THSD7B: variants seen among roughly 807,000 people sequenced by gnomAD.
THSD7B encodes the protein thrombospondin type 1 domain containing 7B, also known as thrombospondin type-1 domain-containing protein 7B.
THSD7B carries 138 observed loss-of-function variants against 213.6 expected under a neutral mutation model. The ratio of observed to expected loss-of-function variants is 0.65; its 90% CI spans 0.56 to 0.74. The LOEUF is 0.74. THSD7B is among the 30% of genes least tolerant of loss of function. The pLI is 0.00. For missense variants in THSD7B, 1,931 were observed against 1,991.5 expected, an observed-to-expected ratio of 0.97 and a Z score of 0.58; for synonymous variants, 742 against 687.0, an observed-to-expected ratio of 1.08 and a Z score of -1.25.
At chr2:137,222,646 T>C (rs1007623060) in intron 7 of THSD7B, among the ~76,000 whole-genome samples, 1 of 152,178 alleles carries the variant, frequency 6.6e-6, no homozygotes, top group Non-Finnish European at 1.5e-5. Context: ...TTTGGATAAT[T>C]ATACCTCAAA....
intron 10 of THSD7B, among the ~76,000 whole-genome samples, chr2:137,261,632 G>A (rs1389077379): frequency 2.0e-5 from 3 of 152,140 alleles, no homozygotes; most frequent in Non-Finnish European, 2.9e-5. Flanking sequence ...CACTGCAGAA[G>A]TAGTGACAGC....
chr2:137,567,926 A>G (rs1312680189), intron 16 of THSD7B, among the ~76,000 whole-genome samples: 1 of 152,154 alleles, frequency 6.6e-6, no homozygotes, highest in Non-Finnish European at 1.5e-5. Flanking sequence ...GTCCTGGGGA[A>G]CTCCAACATT....
intron 10 of THSD7B, among the ~76,000 whole-genome samples, chr2:137,250,817 C>G (rs574782062): frequency 6.6e-6 from 1 of 152,196 alleles, no homozygotes; most frequent in South Asian, 2.1e-4. Flanking sequence ...GTCTGATTTC[C>G]CCTCTGCCTG....
intron 10 of THSD7B, among the ~76,000 whole-genome samples, chr2:137,255,099 A>G (rs1682275225): frequency 6.6e-6 from 1 of 152,214 alleles, no homozygotes; most frequent in Non-Finnish European, 1.5e-5. Flanking sequence ...CAACAAGGTC[A>G]TACATGGTCT....
intron 2 of THSD7B, among the ~76,000 whole-genome samples, chr2:136,897,563 T>C (rs1315383071): frequency 6.6e-6 from 1 of 152,110 alleles, no homozygotes; most frequent in African/African-American, 2.4e-5. Context: ...AGTAGCAAGA[T>C]TTATTGTGAA....
At chr2:137,125,371 G>A (rs1352261355) in intron 5 of THSD7B, among the ~76,000 whole-genome samples, 2 of 152,104 alleles carry the variant, frequency 1.3e-5, no homozygotes, top group East Asian at 1.9e-4. Context: ...ATAATGTTGA[G>A]AGCATCTTCA....
intron 2 of THSD7B, among the ~76,000 whole-genome samples, chr2:137,039,198 G>A (rs1686832744): frequency 6.6e-6 from 1 of 152,130 alleles, no homozygotes; most frequent in Non-Finnish European, 1.5e-5. Flanking sequence ...TGGGTTTCAA[G>A]CTCTTGGATC....
rs541567635 is a variant in THSD7B, at chr2:137,660,928, T to A, written c.4458+1182T>A. On this transcript the variant is annotated intron_variant, in intron 25 of 27. Transcript: ENST00000409968. ...CTTACTTTTTTTCTTTTGTAGAAGA[T>A]TGAGGTGCTTTGTTTACTTTTAGTA... Among the ~76,000 whole-genome samples the A allele has an allele frequency of 5.3e-5, 8 of 152,198 alleles. No individual in the cohort carries two copies. The South Asian group carries it at 1.4e-3, about 28-fold the overall frequency.
chr2:136,825,516 C>A (rs542839362), intron 1 of THSD7B, among the ~76,000 whole-genome samples: 1 of 151,960 alleles, frequency 6.6e-6, no homozygotes, highest in Admixed American at 6.6e-5. Context: ...TCCAGTTTTT[C>A]TTCTTTTCTC....
chr2:136,998,909 G>GACACACACAC (rs57138045), intron 2 of THSD7B, among the ~76,000 whole-genome samples: 1,635 of 129,910 alleles, frequency 0.013, 34 homozygotes, highest in East Asian at 0.064. Context: ...ATACCCAACA[G>GACACACACAC]ACACACACAC....
chr2:137,558,399 C>T (rs943257817), intron 15 of THSD7B, among the ~76,000 whole-genome samples: 1 of 152,166 alleles, frequency 6.6e-6, no homozygotes, highest in African/African-American at 2.4e-5. Flanking sequence ...GGATGCAAGG[C>T]TGGTTCAACA....
chr2:137,303,997 CT>C (rs1306619607), intron 12 of THSD7B, among the ~76,000 whole-genome samples: 1 of 151,510 alleles, frequency 6.6e-6, no homozygotes, highest in Non-Finnish European at 1.5e-5. Context: ...TGATGTTCCC[CT>C]CCCTGTGTCC....
intron 15 of THSD7B, among the ~76,000 whole-genome samples, chr2:137,461,815 G>A (rs542756968): frequency 6.6e-6 from 1 of 152,226 alleles, no homozygotes; most frequent in Admixed American, 6.5e-5. Context: ...GAGTCAGAAG[G>A]AAGGAGCCAC....
At chr2:137,171,163 G>T (rs949249949) in intron 7 of THSD7B, among the ~76,000 whole-genome samples, 1 of 152,110 alleles carries the variant, frequency 6.6e-6, no homozygotes, top group Non-Finnish European at 1.5e-5. Flanking sequence ...GTACTTAAAT[G>T]CAATACAGCA....
At chr2:136,984,572 A>G (rs1243761108) in intron 2 of THSD7B, among the ~76,000 whole-genome samples, 1 of 152,190 alleles carries the variant, frequency 6.6e-6, no homozygotes, top group Non-Finnish European at 1.5e-5. Context: ...TATAGCCTGT[A>G]GAACCATGAT....
chr2:137,221,375 G>T (rs1681367564), intron 7 of THSD7B, among the ~76,000 whole-genome samples: 1 of 152,158 alleles, frequency 6.6e-6, no homozygotes, highest in Non-Finnish European at 1.5e-5. Flanking sequence ...GAAGTTTTTA[G>T]TGGTGATAGA....
intron 15 of THSD7B, among the ~76,000 whole-genome samples, chr2:137,541,940 G>A (rs1680618140): frequency 6.6e-6 from 1 of 151,514 alleles, no homozygotes. Context: ...GAAGAACAAT[G>A]AGAGCCTCAG....
At chr2:137,075,666 T>G (rs2104897891) in intron 3 of THSD7B, among the ~76,000 whole-genome samples, 1 of 152,292 alleles carries the variant, frequency 6.6e-6, no homozygotes, top group South Asian at 2.1e-4. Flanking sequence ...GGCGCTCTGA[T>G]TTTTAGAGTT....
At chr2:136,945,084 G>A (rs1435321467) in intron 2 of THSD7B, among the ~76,000 whole-genome samples, 2 of 152,102 alleles carry the variant, frequency 1.3e-5, no homozygotes, top group Non-Finnish European at 2.9e-5. Flanking sequence ...GGCAGGCATG[G>A]TGGTGACAAA....
Sources: gnomAD v4.1 joint callset for allele counts (sites outside exome capture counted in the v4.1 genomes callset) on GRCh38, gnomAD v4.1.1 for gene constraint, MANE v1.5 for transcripts, NCBI Gene and HGNC (gene_info 2026-07-23, HGNC 2026-07-21) for gene names.